The following MEGF11 variants were observed in gnomAD, a reference collection of about 807,000 sequenced individuals.
The protein encoded by MEGF11 is multiple epidermal growth factor-like domains protein 11.
MEGF11 carries 126 observed loss-of-function variants against 146.6 expected under a neutral mutation model. The observed-to-expected ratio is 0.86, with a 90% CI of 0.74 to 1.00. MEGF11 has a LOEUF of 1.00. Ranked by LOEUF, MEGF11 falls within the 50% of genes least tolerant of loss-of-function variation. The pLI is 0.00. For synonymous variants in MEGF11, 532 were observed against 583.4 expected (o/e 0.91, Z 1.27); for missense variants, 1,509 against 1,521.2 (o/e 0.99, Z 0.13).
At chr15:66,057,912 T>A (rs1283177171) in intron 5 of MEGF11, among the ~76,000 whole-genome samples, 1 of 152,360 alleles carries the variant, frequency 6.6e-6, no homozygotes, top group East Asian at 1.9e-4. Context: ...AACAGTTATT[T>A]TAATGCCAGG....
intron 1 of MEGF11, among the ~76,000 whole-genome samples, chr15:66,140,618 G>A (rs2089099440): frequency 6.6e-6 from 1 of 152,326 alleles, no homozygotes; most frequent in East Asian, 1.9e-4. Flanking sequence ...ATACATACAG[G>A]GACTCAATAG....
At position 66,033,153 on chromosome 15, in the gene MEGF11, G is replaced by C. The variant is rs148101454; in HGVS notation, c.395-50665C>G. Among the ~76,000 whole-genome samples, 31 of 151,254 alleles carry C rather than the reference G, an allele frequency of 2.0e-4. No homozygotes were observed. The East Asian group carries it at 5.4e-3, about 26-fold the overall frequency. The stretch of plus-strand genomic sequence containing the variant: ...AAAATTTGCAGCCTAGTCATGCAAA[G>C]AGGGAAAAGGTAGGTTTTGGAAATG... On this transcript the variant is annotated intron_variant, in intron 5 of 25. Coordinates refer to ENST00000395614, the MANE Select transcript of MEGF11 (RefSeq NM_001385028.1).
intron 10 of MEGF11, among the ~76,000 whole-genome samples, chr15:65,950,175 C>G (rs999561600): frequency 6.6e-6 from 1 of 152,220 alleles, no homozygotes. Flanking sequence ...GCAATAACAG[C>G]TAATGCTTGT....
At chr15:66,166,588 T>C (rs1047637445) in intron 1 of MEGF11, among the ~76,000 whole-genome samples, 1 of 152,036 alleles carries the variant, frequency 6.6e-6, no homozygotes, top group African/African-American at 2.4e-5. Context: ...CTGGTTCGTG[T>C]CCTCCCTGGC....
chr15:66,106,223 G>A (rs543994087), intron 4 of MEGF11, among the ~76,000 whole-genome samples: 1 of 152,212 alleles, frequency 6.6e-6, no homozygotes, highest in Non-Finnish European at 1.5e-5. Flanking sequence ...AGAGTCTAGG[G>A]AGAAGTGAAG....
At chr15:65,949,949 G>A (rs780147829) in intron 10 of MEGF11, among the ~76,000 whole-genome samples, 4 of 152,180 alleles carry the variant, frequency 2.6e-5, no homozygotes, top group Non-Finnish European at 5.9e-5. Context: ...TCTCGGTTCT[G>A]TGGCTGCTCT....
Position 65,897,701 on chromosome 15 carries a change from CAT to C in MEGF11, c.*231_*232del, listed in dbSNP as rs141034675. 390 of 361,160 alleles carry C rather than the reference CAT, an allele frequency of 1.1e-3. 2 individuals carry two copies. The highest frequency in any genetic ancestry group is 7.3e-3 in the African/African-American group (349 of 47,858). 22.4% of individuals were successfully genotyped at this position (361,160 alleles called of 1,614,324 possible). A position where few individuals can be genotyped will look rare whatever the true frequency, so the allele number is the denominator to read the frequency against. ...CTGTATCTTAAAATGTTTTAAAAAT[CAT>C]ATAATCCAGGGCATTTGGGGCTGAG... On this transcript the variant is annotated 3_prime_UTR_variant, in exon 26 of 26. Transcript: ENST00000395614.
At chr15:66,153,853 G>A (rs938597219) in intron 1 of MEGF11, among the ~76,000 whole-genome samples, 3 of 152,202 alleles carry the variant, frequency 2.0e-5, no homozygotes, top group Non-Finnish European at 4.4e-5. Context: ...ACCTGGCAGG[G>A]AGGCAGACAG....
intron 10 of MEGF11, among the ~76,000 whole-genome samples, chr15:65,950,681 TCA>T (rs1344231323): frequency 3.1e-4 from 47 of 152,114 alleles, no homozygotes; most frequent in African/African-American, 1.1e-3. Context: ...TTGCCCAATG[TCA>T]CACAGCTAAT....
At chr15:65,908,219 G>C (rs2078689236) in intron 23 of MEGF11, among the ~76,000 whole-genome samples, 1 of 152,176 alleles carries the variant, frequency 6.6e-6, no homozygotes, top group South Asian at 2.1e-4. Flanking sequence ...TGGACCCAGG[G>C]ACCTGCAGGG....
intron 5 of MEGF11, among the ~76,000 whole-genome samples, chr15:66,019,084 G>A (rs1284099590): frequency 6.6e-6 from 1 of 152,182 alleles, no homozygotes; most frequent in Admixed American, 6.5e-5. Flanking sequence ...GTCAGGCTTG[G>A]TCCCTCATAA....
chr15:66,124,048 T>A (rs1477849500), intron 2 of MEGF11, 48 bp from the exon 3 acceptor site: 2 of 1,460,000 alleles, frequency 1.4e-6, no homozygotes, highest in African/African-American at 2.8e-5. Context: ...CTTGGGAAGC[T>A]GAGCTGATAT....
At chr15:66,109,340 G>A (rs1275792734) in intron 4 of MEGF11, among the ~76,000 whole-genome samples, 4 of 152,074 alleles carry the variant, frequency 2.6e-5, no homozygotes, top group South Asian at 2.1e-4. Flanking sequence ...GAGATTGTCC[G>A]GGCAGTGTCC....
At chr15:66,122,966 G>A (rs1240488443) in intron 3 of MEGF11, among the ~76,000 whole-genome samples, 1 of 152,014 alleles carries the variant, frequency 6.6e-6, no homozygotes, top group Non-Finnish European at 1.5e-5. Flanking sequence ...TGTATTTTTA[G>A]TAGAGACGGG....
chr15:66,067,783 G>T (rs2085196189), intron 5 of MEGF11, among the ~76,000 whole-genome samples: 1 of 152,202 alleles, frequency 6.6e-6, no homozygotes, highest in Non-Finnish European at 1.5e-5. Flanking sequence ...TGCCTGTCAG[G>T]TCATTACTGG....
intron 5 of MEGF11, among the ~76,000 whole-genome samples, chr15:66,034,479 G>A (rs1159270720): frequency 6.6e-6 from 1 of 151,812 alleles, no homozygotes; most frequent in Non-Finnish European, 1.5e-5. Context: ...GAGTACAGTG[G>A]TGTGATCTTG....
chr15:66,097,279 C>T (rs1418979129), intron 4 of MEGF11, among the ~76,000 whole-genome samples: 2 of 152,156 alleles, frequency 1.3e-5, no homozygotes, highest in African/African-American at 4.8e-5. Flanking sequence ...GCTGGGGGTG[C>T]TGCGGGGAGA....
At chr15:65,932,069 G>A (rs552608045) in intron 10 of MEGF11, among the ~76,000 whole-genome samples, 62 of 152,308 alleles carry the variant, frequency 4.1e-4, no homozygotes, top group Non-Finnish European at 7.2e-4. Context: ...GAATAATCCC[G>A]ATGAGAATAA....
chr15:66,066,631 A>G (rs1260019014), intron 5 of MEGF11, among the ~76,000 whole-genome samples: 1 of 152,148 alleles, frequency 6.6e-6, no homozygotes. Context: ...CACTGTGGTC[A>G]CACCAAGCTC....
Sources: gnomAD v4.1 joint callset for allele counts (sites outside exome capture counted in the v4.1 genomes callset) on GRCh38, gnomAD v4.1.1 for gene constraint, MANE v1.5 for transcripts, NCBI Gene and HGNC (gene_info 2026-07-23, HGNC 2026-07-21) for gene names.